MAPK10: variants seen among roughly 807,000 people sequenced by gnomAD.
MAPK10 encodes mitogen-activated protein kinase 10.
A neutral mutation model predicts 59.3 loss-of-function variants in MAPK10; 25 were observed. The observed-to-expected ratio is 0.42, with a 90% confidence interval of 0.31 to 0.59. MAPK10 has a LOEUF of 0.59. Among genes scored for constraint, MAPK10 ranks in the 20% least tolerant of loss-of-function variants. The pLI is 0.15. For synonymous variants in MAPK10, 190 were observed against 200.5 expected, an observed-to-expected ratio of 0.95 and a Z score of 0.44; for missense variants, 351 against 568.9, an observed-to-expected ratio of 0.62 and a Z score of 3.90.
chr4:86,208,219 A>G (rs2149346948), intron 2 of MAPK10, among the ~76,000 whole-genome samples: 1 of 152,052 alleles, frequency 6.6e-6, no homozygotes, highest in African/African-American at 2.4e-5. Context: ...AAAAGAGGGA[A>G]TCCTCCCTAA....
chr4:86,296,994 G>A (rs1222727226), intron 2 of MAPK10, among the ~76,000 whole-genome samples: 1 of 152,158 alleles, frequency 6.6e-6, no homozygotes, highest in Non-Finnish European at 1.5e-5. Context: ...CTCTGGAAGG[G>A]TTAGACGGGG....
chr4:86,572,991 T>G (rs959427000), intron 1 of MAPK10, among the ~76,000 whole-genome samples: 3 of 152,222 alleles, frequency 2.0e-5, no homozygotes, highest in African/African-American at 7.2e-5. Context: ...TGAATTGTTT[T>G]CTTTAGTTTT....
At chr4:86,321,208 C>T (rs1225438244) in intron 2 of MAPK10, among the ~76,000 whole-genome samples, 1 of 151,894 alleles carries the variant, frequency 6.6e-6, no homozygotes, top group African/African-American at 2.4e-5. Flanking sequence ...CTAGAAATAC[C>T]ATTTGACCCA....
At chr4:86,400,460 T>C (rs1743556943) in intron 1 of MAPK10, among the ~76,000 whole-genome samples, 1 of 152,012 alleles carries the variant, frequency 6.6e-6, no homozygotes, top group African/African-American at 2.4e-5. Context: ...TTTCTCTCTC[T>C]CTCTCCACGT....
chr4:86,390,952 C>A (rs1742105736), intron 1 of MAPK10, among the ~76,000 whole-genome samples: 1 of 152,212 alleles, frequency 6.6e-6, no homozygotes, highest in South Asian at 2.1e-4. Context: ...AGAGCCTGTG[C>A]CACATAATTG....
chr4:86,033,077 A>G (rs2039427641), intron 11 of MAPK10, among the ~76,000 whole-genome samples: 1 of 152,232 alleles, frequency 6.6e-6, no homozygotes, highest in Admixed American at 6.5e-5. Context: ...TCAGGACCTG[A>G]CTGAGGTAGA....
intron 2 of MAPK10, among the ~76,000 whole-genome samples, chr4:86,230,711 T>A (rs1489128603): frequency 1.3e-5 from 2 of 152,240 alleles, no homozygotes; most frequent in Non-Finnish European, 2.9e-5. Flanking sequence ...CCTTGATTTA[T>A]TCCCCTTTAT....
intron 1 of MAPK10, among the ~76,000 whole-genome samples, chr4:86,359,286 C>CTGTGTGTG (rs1260423766): frequency 8.5e-4 from 100 of 118,080 alleles, no homozygotes; most frequent in African/African-American, 3.6e-3. Context: ...CTCTCTCTCT[C>CTGTGTGTG]TCTGTGTGTG....
intron 2 of MAPK10, among the ~76,000 whole-genome samples, chr4:86,208,559 T>C (rs1216811166): frequency 1.3e-5 from 2 of 151,800 alleles, no homozygotes; most frequent in Non-Finnish European, 2.9e-5. Context: ...CTAAAAACTC[T>C]CAATAAATTA....
chr4:86,350,201 A>G (rs1422094481), intron 2 of MAPK10, among the ~76,000 whole-genome samples: 12 of 148,466 alleles, frequency 8.1e-5, no homozygotes, highest in Middle Eastern at 3.5e-3. Context: ...ACAGGTGCCC[A>G]CCACCATGTC....
chr4:86,057,386 T>C (rs1403598881), intron 11 of MAPK10, among the ~76,000 whole-genome samples: 1 of 150,460 alleles, frequency 6.6e-6, no homozygotes, highest in Non-Finnish European at 1.5e-5. Flanking sequence ...TAGTTATAAC[T>C]GATTAACATT....
chr4:86,251,743 A>G (rs999737841), intron 2 of MAPK10, among the ~76,000 whole-genome samples: 25 of 131,814 alleles, frequency 1.9e-4, no homozygotes, highest in Non-Finnish European at 3.7e-4. Flanking sequence ...TCCCTGAGGA[A>G]TCGCCACACT....
intron 1 of MAPK10, among the ~76,000 whole-genome samples, chr4:86,536,697 A>C (rs1399440638): frequency 1.3e-5 from 2 of 152,258 alleles, no homozygotes; most frequent in Non-Finnish European, 2.9e-5. Flanking sequence ...TACTAATCAA[A>C]AAGCTATTTA....
At chr4:86,216,720 A>C (rs2087762287) in intron 2 of MAPK10, among the ~76,000 whole-genome samples, 1 of 152,090 alleles carries the variant, frequency 6.6e-6, no homozygotes, top group Non-Finnish European at 1.5e-5. Context: ...GCTATTTATA[A>C]ATTATGACAC....
intron 1 of MAPK10, among the ~76,000 whole-genome samples, chr4:86,498,782 A>G (rs1403273799): frequency 6.6e-6 from 1 of 152,192 alleles, no homozygotes; most frequent in African/African-American, 2.4e-5. Flanking sequence ...CTAATCGCCA[A>G]ACATCATTTA....
chr4:86,431,238 T>C (rs1290755110), intron 1 of MAPK10, among the ~76,000 whole-genome samples: 1 of 152,200 alleles, frequency 6.6e-6, no homozygotes, highest in Non-Finnish European at 1.5e-5. Context: ...AGAACTTCTA[T>C]ACATCAATAA....
chr4:86,311,884 G>A (rs1174137995), intron 2 of MAPK10, among the ~76,000 whole-genome samples: 2 of 151,964 alleles, frequency 1.3e-5, no homozygotes, highest in South Asian at 2.1e-4. Context: ...TCTATCTCTC[G>A]TTCTTCTACA....
intron 1 of MAPK10, among the ~76,000 whole-genome samples, chr4:86,404,821 A>G (rs1744159599): frequency 1.3e-5 from 2 of 152,312 alleles, no homozygotes. Context: ...TAAGAGTTGT[A>G]TAGCAGTTAG....
At chr4:86,356,192 G>A (rs541611185) in intron 1 of MAPK10, among the ~76,000 whole-genome samples, 1 of 152,168 alleles carries the variant, frequency 6.6e-6, no homozygotes, top group Non-Finnish European at 1.5e-5. Flanking sequence ...TTTTAGAGCA[G>A]CTGTGGTTAG....
Sources: gnomAD v4.1 joint callset for allele counts (sites outside exome capture counted in the v4.1 genomes callset) on GRCh38, gnomAD v4.1.1 for gene constraint, MANE v1.5 for transcripts, NCBI Gene and HGNC (gene_info 2026-07-23, HGNC 2026-07-21) for gene names.